BAIAP2: variants seen among roughly 807,000 people sequenced by gnomAD.
BAIAP2 encodes the protein BAR/IMD domain containing adaptor protein 2.
In BAIAP2, 18 loss-of-function variants were observed where a neutral mutation model predicts 63.0. The ratio of observed to expected loss-of-function variants is 0.29; its 90% CI spans 0.20 to 0.42. The LOEUF (loss-of-function observed/expected upper bound fraction) is 0.42. BAIAP2 is among the 10% of genes least tolerant of loss of function. BAIAP2 has a pLI of 1.00. For missense variants in BAIAP2, 610 were observed against 734.3 expected, an observed-to-expected ratio of 0.83 and a Z score of 1.96; for synonymous variants, 386 against 307.6, an observed-to-expected ratio of 1.25 and a Z score of -2.67.
At chr17:81,076,851 G>A (rs2053745647) in intron 3 of BAIAP2, among the ~76,000 whole-genome samples, 1 of 152,112 alleles carries the variant, frequency 6.6e-6, no homozygotes, top group Admixed American at 6.5e-5. Flanking sequence ...CACCCCTGTA[G>A]TCCCAGCTCC....
chr17:81,103,409 CAG>C, intron 7 of BAIAP2, 91 bp from the exon 8 acceptor site: 1 of 1,222,084 alleles, frequency 8.2e-7, no homozygotes, highest in Non-Finnish European at 1.1e-6. Context: ...CCTCCAGCCC[CAG>C]AGAGTGCTCA....
intron 3 of BAIAP2, among the ~76,000 whole-genome samples, chr17:81,073,031 G>C (rs2052982345): frequency 6.6e-6 from 1 of 152,052 alleles, no homozygotes; most frequent in African/African-American, 2.4e-5. Context: ...TCACCTCCAG[G>C]ATGACCCCCA....
At chr17:81,104,178 CA>C in intron 9 of BAIAP2, 70 bp downstream of exon 9, 1 of 1,536,032 alleles carries the variant, frequency 6.5e-7, no homozygotes, top group East Asian at 2.3e-5. Context: ...AGTCATGCCA[CA>C]ACCCTCAATA....
rs1368466125 is a variant in BAIAP2, at chr17:81,086,587, C to T, written c.489+7C>T. ...CTCGGACAAGGAGCTGCAGGTAGGCCCGCCACCCCCGCTGTGGTGCCTCTC... is the reference window on the plus strand; with the variant it reads ...CTCGGACAAGGAGCTGCAGGTAGGCTCGCCACCCCCGCTGTGGTGCCTCTC... On this transcript the variant is annotated splice_region_variant and intron_variant, in intron 6 of 13. Coordinates refer to ENST00000428708, the MANE Select transcript of BAIAP2 (RefSeq NM_001144888.2). The T allele has an allele frequency of 2.5e-6, 4 of 1,612,290 alleles. No homozygotes were observed. The highest frequency in any genetic ancestry group is 3.4e-6 in the Non-Finnish European group (4 of 1,179,908).
chr17:81,082,788 A>G (rs1402993103), intron 3 of BAIAP2, among the ~76,000 whole-genome samples: 1 of 152,164 alleles, frequency 6.6e-6, no homozygotes, highest in African/African-American at 2.4e-5. Flanking sequence ...GATGCCTGGG[A>G]TAGCTCGAGA....
intron 13 of BAIAP2, among the ~76,000 whole-genome samples, chr17:81,113,947 C>T (rs538462177): frequency 3.4e-5 from 5 of 147,430 alleles, no homozygotes; most frequent in African/African-American, 1.2e-4. Flanking sequence ...GGACCCTTCT[C>T]TGGGAACCCA....
At position 81,102,308 on chromosome 17, in the gene BAIAP2, C is replaced by A. The variant is rs1464928204; in HGVS notation, c.643-1194C>A. Among the ~76,000 whole-genome samples the A allele has an allele frequency of 2.0e-5, 3 of 152,318 alleles. No individual in the cohort carries two copies. The South Asian group carries it at 6.2e-4, about 32-fold the overall frequency. ...CGTGGCCGCTGTGTCAGGGCCGTGC[C>A]GCTGCGAGGTCGGTGTCCCTCGGCC... On this transcript the variant is annotated intron_variant, in intron 7 of 13. Coordinates refer to ENST00000428708, the MANE Select transcript of BAIAP2 (RefSeq NM_001144888.2).
chr17:81,084,742 C>T lies in BAIAP2; in HGVS notation c.218-90C>T, dbSNP rs1020572626. On this transcript the variant is annotated intron_variant, in intron 3 of 13. Transcript: ENST00000428708. ...CCTGCTGCCTGTGGTCACAGGGCTT[C>T]CCTGGGTGGCTGTCAGCCCAGAGTG... 3.7e-6 allele frequency: 5 copies of T among 1,342,822 alleles called. No homozygotes were observed. In the African/African-American group the frequency reaches 5.7e-5, roughly 15 times the overall value. 83.2% of individuals were successfully genotyped at this position (1,342,822 alleles called of 1,614,324 possible). A position where few individuals can be genotyped will look rare whatever the true frequency, so the allele number is the denominator to read the frequency against.
In BAIAP2 at chr17:81,100,122, G is replaced by T. The variant is rs1310192836; in HGVS notation, c.642+42G>T. On this transcript the variant is annotated intron_variant, in intron 7 of 13. Coordinates refer to ENST00000428708, the MANE Select transcript of BAIAP2 (RefSeq NM_001144888.2). Reference sequence around the variant, plus strand: ...CTGCGCTGTGCCGGCGCTGGGCCTTGCTGGCAGAAATGACCCAGGCCCCTG... The same window carrying T: ...CTGCGCTGTGCCGGCGCTGGGCCTTTCTGGCAGAAATGACCCAGGCCCCTG... 2.5e-6 allele frequency: 4 copies of T among 1,575,966 alleles called. No homozygotes were observed. In the South Asian group the frequency reaches 3.4e-5, roughly 14 times the overall value.
intron 13 of BAIAP2, 57 bp from the exon 14 acceptor site, chr17:81,115,713 G>A: frequency 1.9e-6 from 3 of 1,606,032 alleles, no homozygotes; most frequent in South Asian, 1.1e-5. Context: ...AGCCCAGGTG[G>A]CACAATTCAC....
intron 13 of BAIAP2, chr17:81,109,757 A>C: frequency 3.0e-6 from 3 of 985,446 alleles, no homozygotes; most frequent in Non-Finnish European, 3.6e-6. Context: ...GGTCGGGGGC[A>C]GGCGCTGCCC....
At chr17:81,114,050 G>A (rs781155676) in intron 13 of BAIAP2, among the ~76,000 whole-genome samples, 9 of 143,666 alleles carry the variant, frequency 6.3e-5, no homozygotes, top group Non-Finnish European at 1.2e-4. Flanking sequence ...CTACTGCCTC[G>A]CCCTCCTGGG....
intron 6 of BAIAP2, among the ~76,000 whole-genome samples, chr17:81,096,461 C>T (rs1598758318): frequency 6.6e-6 from 1 of 152,266 alleles, no homozygotes; most frequent in African/African-American, 2.4e-5. Flanking sequence ...AGCCTGGAGG[C>T]GCACCCCAGC....
intron 6 of BAIAP2, among the ~76,000 whole-genome samples, chr17:81,092,783 C>T (rs891204739): frequency 2.0e-5 from 3 of 152,164 alleles, no homozygotes; most frequent in African/African-American, 7.2e-5. Flanking sequence ...CAGACGTGCC[C>T]GTCTGCCTGG....
intron 1 of BAIAP2, among the ~76,000 whole-genome samples, chr17:81,051,377 CTCTTT>C (rs2048657782): frequency 6.6e-6 from 1 of 152,172 alleles, no homozygotes; most frequent in South Asian, 2.1e-4. Context: ...GAGGGATCTT[CTCTTT>C]TGTTTGTTTT....
intron 6 of BAIAP2, among the ~76,000 whole-genome samples, chr17:81,088,277 G>T (rs1433652104): frequency 6.6e-6 from 1 of 152,010 alleles, no homozygotes; most frequent in Non-Finnish European, 1.5e-5. Flanking sequence ...GGTGTTCTGG[G>T]GATGGGGATA....
chr17:81,103,752 CGG>C (rs1568177627), intron 8 of BAIAP2, 29 bp downstream of exon 8: 3 of 718,472 alleles, frequency 4.2e-6, no homozygotes, highest in Non-Finnish European at 6.8e-6. Flanking sequence ...GAAAGCTTCA[CGG>C]GTGTGGGTGG....
chr17:81,037,238 G>GT (rs1440101935), intron 1 of BAIAP2, among the ~76,000 whole-genome samples: 2 of 152,264 alleles, frequency 1.3e-5, no homozygotes, highest in Non-Finnish European at 2.9e-5. Flanking sequence ...AAGTGAAGAT[G>GT]TGGCGGTTGA....
intron 3 of BAIAP2, among the ~76,000 whole-genome samples, chr17:81,069,587 C>A (rs2052187863): frequency 6.6e-6 from 1 of 152,246 alleles, no homozygotes; most frequent in Non-Finnish European, 1.5e-5. Flanking sequence ...TTCCCTGCCT[C>A]TGCAGTAGCC....
Sources: gnomAD v4.1 joint callset for allele counts (sites outside exome capture counted in the v4.1 genomes callset) on GRCh38, gnomAD v4.1.1 for gene constraint, MANE v1.5 for transcripts, NCBI Gene and HGNC (gene_info 2026-07-23, HGNC 2026-07-21) for gene names.